Variants in ORC3 observed in about 807,000 individuals in gnomAD.
The protein encoded by ORC3 is origin recognition complex subunit 3, also known as homolog of latheo, Drosophila.
ORC3 carries 78 observed loss-of-function variants against 100.7 expected under a neutral mutation model. The ratio of observed to expected loss-of-function variants is 0.77; its 90% confidence interval spans 0.65 to 0.94. ORC3 has a LOEUF of 0.94. ORC3 is among the 40% of genes least tolerant of loss of function. The probability of loss-of-function intolerance (pLI) is 0.00; values close to 1 mark genes in which losing one functional copy is unlikely to be tolerated. For synonymous variants in ORC3, 295 were observed against 289.3 expected (o/e 1.02, Z -0.20); for missense variants, 789 against 823.9 (o/e 0.96, Z 0.52).
At chr6:87,676,349 C>G in the ORC3 span, among the ~76,000 whole-genome samples, 1 of 148,740 alleles carries the variant, frequency 6.7e-6, no homozygotes, top group African/African-American at 2.5e-5. Context: ...GCCTGTAGTC[C>G]CAACTACTCG....
At chr6:87,613,666 TCCAAA>T (rs1778946591) in intron 8 of ORC3, among the ~76,000 whole-genome samples, 1 of 152,130 alleles carries the variant, frequency 6.6e-6, no homozygotes. Flanking sequence ...ATACAGCCAT[TCCAAA>T]TGGGAGAAAT....
chr6:87,636,261 A>G (rs1257209133), intron 12 of ORC3, 146 bp from the exon 13 acceptor site: 6 of 583,442 alleles, frequency 1.0e-5, no homozygotes, highest in East Asian at 3.0e-5. Context: ...AGCCTGATCC[A>G]TGAGATATAT....
chr6:87,607,527 T>C, intron 5 of ORC3, 146 bp from the exon 6 acceptor site: 1 of 584,710 alleles, frequency 1.7e-6, no homozygotes, highest in Non-Finnish European at 3.0e-6. Flanking sequence ...ATATGTTAAA[T>C]GTTACATTAG....
At chr6:87,618,875 C>T (rs1273544205) in intron 9 of ORC3, among the ~76,000 whole-genome samples, 1 of 151,976 alleles carries the variant, frequency 6.6e-6, no homozygotes, top group Non-Finnish European at 1.5e-5. Flanking sequence ...CGTTTATTAA[C>T]TGTACATGTT....
chr6:87,602,580 A>T (rs905169809), intron 3 of ORC3, among the ~76,000 whole-genome samples: 3 of 151,692 alleles, frequency 2.0e-5, no homozygotes, highest in Admixed American at 2.0e-4. Context: ...ACTGATTTAC[A>T]CCTAGTGGTA....
intron 2 of ORC3, among the ~76,000 whole-genome samples, chr6:87,598,511 C>G (rs905905866): frequency 3.9e-5 from 6 of 152,144 alleles, no homozygotes; most frequent in African/African-American, 1.4e-4. Context: ...AATACTGCCT[C>G]TCATTATATA....
chr6:87,629,783 G>A (rs1252567107), intron 11 of ORC3, among the ~76,000 whole-genome samples: 1 of 151,990 alleles, frequency 6.6e-6, no homozygotes, highest in East Asian at 1.9e-4. Context: ...TAGCTCTCAC[G>A]TATAAGTGAG....
chr6:87,613,819 G>A (rs1022944619), intron 8 of ORC3, among the ~76,000 whole-genome samples: 2 of 152,202 alleles, frequency 1.3e-5, no homozygotes, highest in African/African-American at 4.8e-5. Context: ...GGGTTCCCAT[G>A]GTCTTTGGCA....
rs150681606 is a variant in ORC3 at position 87,610,842 on chromosome 6, C to T, written c.714-1247C>T. 2.2e-4 allele frequency among the ~76,000 whole-genome samples: 33 copies of T among 150,944 alleles called. 1 individual carries two copies. The highest frequency in any genetic ancestry group is 4.0e-4 in the Non-Finnish European group (27 of 67,794). On this transcript the variant is annotated intron_variant, in intron 7 of 19. Transcript: ENST00000392844. ...TGCTGGGATTACAGGCGTGAGCCACCGCGCCCGGCCTACTAATATACTTTA... is the reference window on the plus strand; with the variant it reads ...TGCTGGGATTACAGGCGTGAGCCACTGCGCCCGGCCTACTAATATACTTTA...
Position 87,664,777 on chromosome 6 carries a change from C to T in ORC3, c.1868C>T (p.Pro623Leu), listed in dbSNP as rs930774313. The change falls in exon 18 of 20, where the codon CCG becomes CTG. Residue 623 changes from proline to leucine, a missense_variant. By Grantham distance (98) the Pro-to-Leu change is moderately conservative. Coordinates refer to ENST00000392844, the MANE Select transcript of ORC3 (RefSeq NM_012381.4). ...CTGAAAAGCGAAGAAGGCTGCATTC[C>T]GAATATCGCCCCAGACATCTGCATA... ...EALKSEEGCIPNIAPDICIAY... is the reference protein window; with the variant it reads ...EALKSEEGCILNIAPDICIAY... 2.5e-6 allele frequency: 4 copies of T among 1,613,904 alleles called. No homozygotes were observed. Among genetic ancestry groups the T allele is most frequent in the Admixed American group, 1.7e-5 (1 of 59,990 alleles).
At chr6:87,594,283 T>C in intron 1 of ORC3, 70 bp from the exon 2 acceptor site, 3 of 1,112,502 alleles carry the variant, frequency 2.7e-6, no homozygotes, top group Non-Finnish European at 3.9e-6. Flanking sequence ...ACCCATAAAA[T>C]ATTTGGTTAA....
intron 5 of ORC3, among the ~76,000 whole-genome samples, chr6:87,607,150 G>T (rs1294379979): frequency 6.6e-6 from 1 of 152,002 alleles, no homozygotes; most frequent in Non-Finnish European, 1.5e-5. Flanking sequence ...TACATAAATG[G>T]CTGGGAGCAG....
intron 9 of ORC3, among the ~76,000 whole-genome samples, chr6:87,618,138 C>T (rs1361597227): frequency 2.6e-5 from 4 of 152,166 alleles, no homozygotes; most frequent in East Asian, 3.9e-4. Context: ...GGGCTGGGCG[C>T]GGTGGCTCAC....
chr6:87,636,595 T>C lies in ORC3; in HGVS notation c.1382+109T>C, dbSNP rs535570325. 58 of 696,754 alleles carry C rather than the reference T, an allele frequency of 8.3e-5. 1 individual carries two copies. The East Asian group carries it at 1.4e-3, about 17-fold the overall frequency. 43.2% of individuals were successfully genotyped at this position (696,754 alleles called of 1,614,324 possible). On this transcript the variant is annotated intron_variant, in intron 13 of 19. Coordinates refer to ENST00000392844, the MANE Select transcript of ORC3 (RefSeq NM_012381.4). ...CCAAAAAGTTTCATAAATAGCCATGTTGTGTCTAAGAATATTTGCATATAT... is the reference window on the plus strand; with the variant it reads ...CCAAAAAGTTTCATAAATAGCCATGCTGTGTCTAAGAATATTTGCATATAT...
chr6:87,602,982 T>TATATATATATATATATATATAC (rs1457671076), intron 3 of ORC3, among the ~76,000 whole-genome samples: 2 of 135,864 alleles, frequency 1.5e-5, no homozygotes, highest in South Asian at 4.5e-4. Context: ...CATATATATA[T>TATATATATATATATATATATAC]ACAATTTTTT....
At chr6:87,663,688 A>G (rs1332356055) in intron 17 of ORC3, among the ~76,000 whole-genome samples, 3 of 152,224 alleles carry the variant, frequency 2.0e-5, no homozygotes, top group East Asian at 1.9e-4. Context: ...TGCCCTTGCT[A>G]AAGTCCAGAC....
intron 11 of ORC3, among the ~76,000 whole-genome samples, chr6:87,629,832 A>G (rs1481517122): frequency 1.3e-5 from 2 of 152,058 alleles, no homozygotes; most frequent in Non-Finnish European, 2.9e-5. Context: ...GAGTTATTTC[A>G]CTTAGGATAC....
At chr6:87,675,514 T>G in the ORC3 span, 1 of 1,549,578 alleles carries the variant, frequency 6.5e-7, no homozygotes, top group Non-Finnish European at 8.9e-7. Context: ...GAAGGGGTAT[T>G]GGCATTGCTG....
intron 2 of ORC3, among the ~76,000 whole-genome samples, chr6:87,601,502 C>G (rs939369663): frequency 6.6e-6 from 1 of 152,068 alleles, no homozygotes; most frequent in African/African-American, 2.4e-5. Context: ...GAAACCCCAT[C>G]TCTACTAAAA....
Sources: allele counts gnomAD v4.1 joint callset (sites outside exome capture counted in the v4.1 genomes callset), GRCh38; gene constraint gnomAD v4.1.1; transcripts MANE v1.5; gene names NCBI Gene and HGNC (gene_info 2026-07-23, HGNC 2026-07-21).